The following MYH11 variants were observed in gnomAD, a reference collection of about 807,000 sequenced individuals.
MYH11 encodes myosin-11.
A neutral mutation model predicts 246.6 loss-of-function variants in MYH11; 80 were observed. The observed-to-expected ratio is 0.32, with a 90% CI of 0.27 to 0.39. The LOEUF (loss-of-function observed/expected upper bound fraction) is 0.39, where lower values mean the gene tolerates loss of function less well. MYH11 is among the 10% of genes least tolerant of loss of function. The probability of loss-of-function intolerance (pLI) is 1.00; values close to 1 mark genes in which losing one functional copy is unlikely to be tolerated. For missense variants in MYH11, 2,158 were observed against 2,546.8 expected, an observed-to-expected ratio of 0.85 and a Z score of 3.29; for synonymous variants, 1,071 against 1,015.5, an observed-to-expected ratio of 1.05 and a Z score of -1.04.
intron 33 of MYH11, 91 bp downstream of exon 33, chr16:15,720,748 A>G: frequency 7.1e-7 from 1 of 1,405,968 alleles, no homozygotes; most frequent in Non-Finnish European, 1.0e-6. Context: ...AAAATAAAGA[A>G]AACGAAGTTT....
At chr16:15,749,176 G>A (rs1366968039) in intron 16 of MYH11, 1 of 145,442 alleles carries the variant, frequency 6.9e-6, no homozygotes, top group African/African-American at 2.6e-5. Context: ...TTAAGATGGA[G>A]TCTCGCTCTG....
chr16:15,747,659 G>A lies in MYH11; in HGVS notation c.2322C>T (p.Val774=). The part of the protein sequence containing the change: ...GQSKIFFRTG[V]LAHLEEERDL... ...CTCGCTCCTCCTCTAGGTGGGCCAGGACGCCAGTTCGGAAGAAGATTTTGC... is the reference window on the plus strand; with the variant it reads ...CTCGCTCCTCCTCTAGGTGGGCCAGAACGCCAGTTCGGAAGAAGATTTTGC... Residue 774 remains valine (V), a synonymous_variant, in exon 19 of 41, where the codon GTC becomes GTT. Coordinates refer to ENST00000300036, the MANE Select transcript of MYH11 (RefSeq NM_002474.3). 2 of 1,614,120 alleles carry A rather than the reference G, an allele frequency of 1.2e-6. No homozygotes were observed. The highest frequency in any genetic ancestry group is 1.1e-5 in the South Asian group (1 of 91,068).
At chr16:15,717,542 C>A in intron 37 of MYH11, 194 bp from the exon 38 acceptor site, 4 of 616,630 alleles carry the variant, frequency 6.5e-6, no homozygotes, top group Non-Finnish European at 8.5e-6. Flanking sequence ...CGCCTGTAAT[C>A]CCAGCACTTT....
chr16:15,758,102 C>A, intron 12 of MYH11, 102 bp from the exon 13 acceptor site: 1 of 1,544,456 alleles, frequency 6.5e-7, no homozygotes, highest in Non-Finnish European at 8.9e-7. Context: ...CATGGCCCGC[C>A]CACATCCTGT....
At chr16:15,840,760 A>AG (rs1163248140) in intron 1 of MYH11, among the ~76,000 whole-genome samples, 1 of 152,180 alleles carries the variant, frequency 6.6e-6, no homozygotes, top group Non-Finnish European at 1.5e-5. Flanking sequence ...AACTAAAAAA[A>AG]TCATTATGGA....
At chr16:15,741,941 G>A in intron 20 of MYH11, 50 bp from the exon 21 acceptor site, 1 of 1,612,138 alleles carries the variant, frequency 6.2e-7, no homozygotes, top group Non-Finnish European at 8.5e-7. Flanking sequence ...AAAGGGATAT[G>A]TTGTCATAAT....
intron 33 of MYH11, 41 bp from the exon 34 acceptor site, chr16:15,720,353 T>TGGG: frequency 6.3e-7 from 1 of 1,596,684 alleles, no homozygotes; most frequent in Non-Finnish European, 8.5e-7. Context: ...CACTTGCCCC[T>TGGG]GGGAGGTCCT....
chr16:15,856,684 T>C (rs1253339096), intron 1 of MYH11, among the ~76,000 whole-genome samples: 1 of 151,732 alleles, frequency 6.6e-6, no homozygotes, highest in Non-Finnish European at 1.5e-5. Context: ...GGTCCAGGCA[T>C]TGATATCGTT....
At position 15,754,861 on chromosome 16, in the gene MYH11, T is replaced by G. The variant is rs1462406809; in HGVS notation, c.1750-1353A>C. On this transcript the variant is annotated intron_variant, in intron 14 of 40. Transcript: ENST00000300036. ...ATTTTTAAATTTTTTTTATTTTTTA[T>G]TTTTAGCAGAGACGGGCTTTCGCCA... 2.0e-5 allele frequency among the ~76,000 whole-genome samples: 3 copies of G among 152,212 alleles called. No homozygotes were observed. The East Asian group carries it at 5.8e-4, about 29-fold the overall frequency.
chr16:15,750,337 G>C lies in MYH11; in HGVS notation c.1865-6C>G. 1.3e-6 allele frequency: 2 copies of C among 1,591,326 alleles called. No homozygotes were observed. The highest frequency in any genetic ancestry group is 1.7e-6 in the Non-Finnish European group (2 of 1,170,566). ...CAGGCCCACGATGCGGTCCACTATGGGGCACAGCCAGGGTGGCATCAGCCT... is the reference window on the plus strand; with the variant it reads ...CAGGCCCACGATGCGGTCCACTATGCGGCACAGCCAGGGTGGCATCAGCCT... On this transcript the variant is annotated splice_region_variant and splice_polypyrimidine_tract_variant and intron_variant, in intron 15 of 40. Coordinates refer to ENST00000300036, the MANE Select transcript of MYH11 (RefSeq NM_002474.3). This position sits in a 1 kb window ranked among gnomAD's most constrained non-coding sequence, Gnocchi z 4.3.
intron 7 of MYH11, among the ~76,000 whole-genome samples, chr16:15,777,652 TG>T (rs1488373360): frequency 6.6e-6 from 1 of 152,120 alleles, no homozygotes; most frequent in African/African-American, 2.4e-5. Context: ...AGCTGCAGGA[TG>T]GGAATCCTGG....
chr16:15,786,383 G>A, intron 5 of MYH11: 1 of 684,562 alleles, frequency 1.5e-6, no homozygotes, highest in Non-Finnish European at 2.7e-6. Context: ...GCTATGGAAG[G>A]AAAGGGCTTA....
At chr16:15,779,074 A>C in intron 6 of MYH11, 1 of 628,616 alleles carries the variant, frequency 1.6e-6, no homozygotes, top group Non-Finnish European at 2.9e-6. Flanking sequence ...TCACAGATCA[A>C]TTTCATTCGG....
chr16:15,758,019 G>C lies in MYH11; in HGVS notation c.1402-19C>G. On this transcript the variant is annotated intron_variant, in intron 12 of 40. Transcript: ENST00000300036. ...AGTTCACCTGAGCACATGGCGTGGG[G>C]GCGGGGCGTGAGCATCTTGGTATGA... The C allele has an allele frequency of 6.2e-7, 1 of 1,612,986 alleles. No homozygotes were observed. Among genetic ancestry groups the C allele is most frequent in the African/African-American group, 1.3e-5 (1 of 75,006 alleles).
chr16:15,708,724 G>A lies in MYH11; in HGVS notation c.5787-4601C>T, dbSNP rs567903065. ...AAATGTGCAAGGGTTTAAAAATTGG[G>A]GTGGGCAGAGGGGCGCATTGGGCAG... On this transcript the variant is annotated intron_variant, in intron 40 of 40. Coordinates refer to ENST00000300036, the MANE Select transcript of MYH11 (RefSeq NM_002474.3). 9.2e-5 allele frequency: 131 copies of A among 1,431,216 alleles called. No homozygotes were observed. The African/African-American group carries it at 1.3e-3, about 15-fold the overall frequency. 88.7% of individuals were successfully genotyped at this position (1,431,216 alleles called of 1,614,324 possible). A position where few individuals can be genotyped will look rare whatever the true frequency, so the allele number is the denominator to read the frequency against.
intron 3 of MYH11, among the ~76,000 whole-genome samples, chr16:15,806,446 CA>C (rs533174602): frequency 7.2e-4 from 109 of 151,792 alleles, no homozygotes; most frequent in Non-Finnish European, 1.3e-3. Flanking sequence ...TATGGAGTGA[CA>C]AAAAAATGTG....
At chr16:15,782,033 T>C (rs1326234234) in intron 6 of MYH11, among the ~76,000 whole-genome samples, 3 of 152,074 alleles carry the variant, frequency 2.0e-5, no homozygotes, top group Non-Finnish European at 4.4e-5. Context: ...AGGTGCTCAA[T>C]ACCTAATTTT....
At chr16:15,844,211 C>T (rs1229255437) in intron 1 of MYH11, among the ~76,000 whole-genome samples, 1 of 152,086 alleles carries the variant, frequency 6.6e-6, no homozygotes, top group African/African-American at 2.4e-5. Context: ...GCAGTAAACT[C>T]CCAAAGGTGA....
chr16:15,823,979 G>C (rs1352685896), intron 2 of MYH11, among the ~76,000 whole-genome samples: 1 of 152,000 alleles, frequency 6.6e-6, no homozygotes, highest in East Asian at 1.9e-4. Flanking sequence ...CCACTCCTCC[G>C]ACCTGCCACT....
Sources: allele counts gnomAD v4.1 joint callset (sites outside exome capture counted in the v4.1 genomes callset), GRCh38; gene constraint gnomAD v4.1.1; non-coding constraint Gnocchi (gnomAD v3.1); transcripts MANE v1.5; gene names NCBI Gene and HGNC (gene_info 2026-07-23, HGNC 2026-07-21).